SLC17A8: variants seen among roughly 807,000 people sequenced by gnomAD.
SLC17A8 encodes the protein solute carrier family 17 member 8.
In SLC17A8, 31 loss-of-function variants were observed where a neutral mutation model predicts 58.0. That is an observed-to-expected ratio of 0.53 (90% CI 0.40 to 0.72). The LOEUF is 0.72. SLC17A8 is among the 30% of genes least tolerant of loss of function. The pLI is 0.00. For synonymous variants in SLC17A8, 228 were observed against 249.0 expected (o/e 0.92, Z 0.79); for missense variants, 655 against 727.8 (o/e 0.90, Z 1.15).
intron 1 of SLC17A8, among the ~76,000 whole-genome samples, chr12:100,375,691 C>T (rs1322814847): frequency 2.0e-5 from 3 of 152,188 alleles, no homozygotes; most frequent in African/African-American, 4.8e-5. Flanking sequence ...ATATAGAGAG[C>T]GCTAAGCTTA....
intron 10 of SLC17A8, among the ~76,000 whole-genome samples, chr12:100,417,003 T>C (rs532840256): frequency 6.6e-6 from 1 of 152,322 alleles, no homozygotes; most frequent in Admixed American, 6.5e-5. Context: ...ACTCCTGGGT[T>C]CAAGTGATTC....
chr12:100,391,310 TG>T (rs1423938410), intron 3 of SLC17A8, among the ~76,000 whole-genome samples, 191 bp downstream of exon 3: 4 of 151,940 alleles, frequency 2.6e-5, no homozygotes, highest in Non-Finnish European at 5.9e-5. Flanking sequence ...TTTGAGACGG[TG>T]TCTCACTCTG....
At position 100,361,242 on chromosome 12, in the gene SLC17A8, G is replaced by C. The variant is rs75258547; in HGVS notation, c.101+3750G>C. ...CCAGTGCCCTTTCAATGGCCTTCAA[G>C]GTCCTCTGTGATCTAGGACTTTTGG... On this transcript the variant is annotated intron_variant, in intron 1 of 11. Transcript: ENST00000323346. 2.7e-3 allele frequency among the ~76,000 whole-genome samples: 414 copies of C among 152,290 alleles called. 13 individuals are homozygous for C. The East Asian group carries it at 0.071, about 26-fold the overall frequency.
At chr12:100,375,198 C>A (rs1952586687) in intron 1 of SLC17A8, among the ~76,000 whole-genome samples, 1 of 150,914 alleles carries the variant, frequency 6.6e-6, no homozygotes, top group Non-Finnish European at 1.5e-5. Context: ...TCACAGCTCA[C>A]TGCAGCCTCA....
chr12:100,412,122 A>G (rs915302859), intron 9 of SLC17A8, among the ~76,000 whole-genome samples: 17 of 152,180 alleles, frequency 1.1e-4, no homozygotes, highest in African/African-American at 4.1e-4. Flanking sequence ...ACAGCTACCC[A>G]TGAAGCAACT....
intron 2 of SLC17A8, among the ~76,000 whole-genome samples, chr12:100,388,553 G>C (rs528002567): frequency 1.3e-5 from 2 of 152,292 alleles, no homozygotes; most frequent in East Asian, 3.9e-4. Context: ...AGAGAGTATA[G>C]GCCAAAGTGG....
chr12:100,371,243 A>G (rs530984505), intron 1 of SLC17A8, among the ~76,000 whole-genome samples: 8 of 152,224 alleles, frequency 5.3e-5, no homozygotes, highest in Non-Finnish European at 1.2e-4. Flanking sequence ...TTCCTTTCAT[A>G]AATGAGGGAA....
chr12:100,404,501 T>TACACACAC (rs1952812923), intron 9 of SLC17A8: 1 of 220,440 alleles, frequency 4.5e-6, no homozygotes, highest in Non-Finnish European at 9.2e-6. Flanking sequence ...ATGGGATATA[T>TACACACAC]GCACACACAC....
chr12:100,388,712 A>G (rs1386149724), intron 2 of SLC17A8, among the ~76,000 whole-genome samples: 1 of 152,252 alleles, frequency 6.6e-6, no homozygotes, highest in Non-Finnish European at 1.5e-5. Flanking sequence ...ACAGGAAAAT[A>G]AGATAAGCAG....
intron 1 of SLC17A8, among the ~76,000 whole-genome samples, chr12:100,369,511 AT>A (rs1952544601): frequency 6.6e-6 from 1 of 152,180 alleles, no homozygotes; most frequent in Non-Finnish European, 1.5e-5. Flanking sequence ...CCTCTGTTGC[AT>A]TTGAAACCAT....
chr12:100,381,285 G>A (rs958037326), intron 2 of SLC17A8, among the ~76,000 whole-genome samples: 1 of 152,174 alleles, frequency 6.6e-6, no homozygotes, highest in Admixed American at 6.5e-5. Context: ...ATGGAGAGTG[G>A]CTACTTGTGC....
At chr12:100,409,788 G>T (rs1952853562) in intron 9 of SLC17A8, among the ~76,000 whole-genome samples, 1 of 152,128 alleles carries the variant, frequency 6.6e-6, no homozygotes. Flanking sequence ...ATATGTACAG[G>T]CATGAGATAG....
At chr12:100,403,106 C>G (rs1024574181) in intron 8 of SLC17A8, among the ~76,000 whole-genome samples, 1 of 152,088 alleles carries the variant, frequency 6.6e-6, no homozygotes, top group African/African-American at 2.4e-5. Context: ...AAGAACCTTA[C>G]CATTCATTTT....
At chr12:100,374,654 C>A (rs1020942360) in intron 1 of SLC17A8, among the ~76,000 whole-genome samples, 1 of 152,018 alleles carries the variant, frequency 6.6e-6, no homozygotes, top group African/African-American at 2.4e-5. Flanking sequence ...TGACTCTGAG[C>A]CCCCTGCCTG....
In SLC17A8 at chr12:100,404,144, C is replaced by T. The variant is rs1399268881; in HGVS notation, c.1160C>T (p.Ala387Val). The change falls in exon 9 of 12, where the codon GCT (alanine) becomes GTT (valine). Residue 387 changes from alanine (A) to valine (V), a missense_variant. Coordinates refer to ENST00000323346, the MANE Select transcript of SLC17A8 (RefSeq NM_139319.3). Reference sequence around the variant, plus strand: ...AGCAGACAAATTTTAACCACAACTGCTGTCAGAAAAATCATGAACTGTGGA... The same window carrying T: ...AGCAGACAAATTTTAACCACAACTGTTGTCAGAAAAATCATGAACTGTGGA... ...LRSRQILTTTAVRKIMNCGGF... is the reference protein window; with the variant it reads ...LRSRQILTTTVVRKIMNCGGF... The T allele has an allele frequency of 6.2e-7, 1 of 1,614,188 alleles. No individual in the cohort carries two copies.
intron 9 of SLC17A8, among the ~76,000 whole-genome samples, chr12:100,410,087 T>C (rs1952855874): frequency 6.6e-6 from 1 of 152,196 alleles, no homozygotes; most frequent in Non-Finnish European, 1.5e-5. Flanking sequence ...TGGCTGAGCA[T>C]GGTGGCTTAG....
intron 2 of SLC17A8, among the ~76,000 whole-genome samples, chr12:100,383,275 C>T (rs575105531): frequency 6.6e-6 from 1 of 152,324 alleles, no homozygotes; most frequent in South Asian, 2.1e-4. Context: ...AGGAACAATG[C>T]TAGTGTGCGC....
chr12:100,404,804 A>C (rs181277886), intron 9 of SLC17A8, among the ~76,000 whole-genome samples: 1 of 152,348 alleles, frequency 6.6e-6, no homozygotes, highest in Non-Finnish European at 1.5e-5. Flanking sequence ...AGGTACTATT[A>C]CTATATGCAA....
intron 2 of SLC17A8, among the ~76,000 whole-genome samples, chr12:100,389,237 T>C (rs1051559260): frequency 2.6e-5 from 4 of 152,106 alleles, no homozygotes; most frequent in African/African-American, 7.2e-5. Context: ...GTATCAGTAA[T>C]GGCTGCTAAC....
Sources: gnomAD v4.1 joint callset for allele counts (sites outside exome capture counted in the v4.1 genomes callset) on GRCh38, gnomAD v4.1.1 for gene constraint, MANE v1.5 for transcripts, NCBI Gene and HGNC (gene_info 2026-07-23, HGNC 2026-07-21) for gene names.